WNK2: variants seen among roughly 807,000 people sequenced by gnomAD.
WNK2 encodes the protein serine/threonine-protein kinase WNK2.
In WNK2, 67 loss-of-function variants were observed where a neutral mutation model predicts 192.1. The ratio of observed to expected loss-of-function variants is 0.35; its 90% CI spans 0.29 to 0.43. The LOEUF is 0.43. Ranked by LOEUF, WNK2 falls within the 20% of genes least tolerant of loss-of-function variation. The pLI is 1.00. For missense variants in WNK2, 2,698 were observed against 3,089.7 expected (o/e 0.87, Z 3.01); for synonymous variants, 1,439 against 1,393.9 (o/e 1.03, Z -0.72).
chr9:93,256,685 T>C, intron 10 of WNK2: 1 of 665,548 alleles, frequency 1.5e-6, no homozygotes, highest in Non-Finnish European at 2.5e-6. Context: ...CGCAGTGCCC[T>C]GCACATGGAA....
chr9:93,244,521 G>C (rs975919769), intron 7 of WNK2, among the ~76,000 whole-genome samples: 1 of 152,254 alleles, frequency 6.6e-6, no homozygotes, highest in South Asian at 2.1e-4. Context: ...GATGAAGACA[G>C]TCTCAAGGGA....
rs905930575 is a variant in WNK2 at position 93,299,205 on chromosome 9, T to G, written c.6059T>G (p.Leu2020Arg). ...TQQPCSVRAS[L>R]SSDICSGLAS... ...CAGCCCTGCTCCGTCCGGGCCTCCC[T>G]GTCTTCGGACATCTGCTCCGGCTTA... is the stretch of plus-strand genomic sequence containing the variant. Residue 2020 changes from leucine (L) to arginine (R), a missense_variant, in exon 25 of 30, where the codon CTG (leucine) becomes CGG (arginine). Leu to Arg is a moderately radical substitution (Grantham distance 102, BLOSUM62 -2). Coordinates refer to ENST00000427277, the MANE Select transcript of WNK2 (RefSeq NM_006648.4). 1 of 1,597,220 alleles carries G rather than the reference T, an allele frequency of 6.3e-7. No individual in the cohort carries two copies. The highest frequency in any genetic ancestry group is 2.3e-5 in the East Asian group (1 of 44,388).
chr9:93,261,363 T>C (rs1166499563), intron 12 of WNK2, among the ~76,000 whole-genome samples: 5 of 152,224 alleles, frequency 3.3e-5, no homozygotes, highest in Admixed American at 2.6e-4. Flanking sequence ...ACGAGAACAG[T>C]GAGAAAGCCA....
chr9:93,244,873 G>A (rs1366191037), intron 7 of WNK2, among the ~76,000 whole-genome samples: 2 of 152,218 alleles, frequency 1.3e-5, no homozygotes, highest in African/African-American at 4.8e-5. Context: ...AGCCAGAAGG[G>A]AACCTGGTGC....
rs928488315 is a variant in WNK2 at position 93,263,696 on chromosome 9, C to A, written c.3541C>A (p.Gln1181Lys). Residue 1181 changes from glutamine (Q) to lysine (K), a missense_variant, in exon 15 of 30, where the codon CAG (glutamine) becomes AAG (lysine). Gln to Lys is a moderately conservative substitution (Grantham distance 53, BLOSUM62 1). This residue lies in a region of WNK2 where 893 missense variants were observed against 909.0 expected (regional missense o/e 0.98). Transcript: ENST00000427277. ...CAGGTCCACGCGTGCGCGCTCCCGG[C>A]AGGAGAGGGCCAGCCGGCCCCGGCT... ...HRRSTRARSR[Q>K]ERASRPRLTI... 6.4e-7 allele frequency: 1 copy of A among 1,550,942 alleles called. No homozygotes were observed. The highest frequency in any genetic ancestry group is 8.7e-7 in the Non-Finnish European group (1 of 1,154,760).
chr9:93,252,744 TA>T, intron 8 of WNK2, 138 bp from the exon 9 acceptor site: 1 of 795,552 alleles, frequency 1.3e-6, no homozygotes, highest in Non-Finnish European at 1.8e-6. Context: ...GCCAATTGTT[TA>T]AACAATATGT....
chr9:93,272,670 G>A (rs1408651866), intron 19 of WNK2, among the ~76,000 whole-genome samples: 10 of 137,852 alleles, frequency 7.3e-5, no homozygotes, highest in East Asian at 2.2e-4. Context: ...CCCGAGAGGC[G>A]GCAGTTGCAG....
intron 23 of WNK2, among the ~76,000 whole-genome samples, chr9:93,295,595 A>G (rs1850125369): frequency 6.6e-6 from 1 of 151,970 alleles, no homozygotes; most frequent in South Asian, 2.1e-4. Flanking sequence ...GCAAGGGGTT[A>G]CAGGCCTCCA....
chr9:93,204,398 C>T (rs1296225932), intron 2 of WNK2, among the ~76,000 whole-genome samples: 1 of 152,162 alleles, frequency 6.6e-6, no homozygotes, highest in Non-Finnish European at 1.5e-5. Flanking sequence ...GGCCCAAGCA[C>T]CTGCAGGTAG....
At chr9:93,223,859 G>A (rs1360675117) in intron 2 of WNK2, among the ~76,000 whole-genome samples, 1 of 152,232 alleles carries the variant, frequency 6.6e-6, no homozygotes, top group Non-Finnish European at 1.5e-5. Context: ...AACAGAAGGG[G>A]ACACATATAT....
intron 2 of WNK2, among the ~76,000 whole-genome samples, chr9:93,211,963 C>G (rs1834872350): frequency 6.6e-6 from 1 of 152,132 alleles, no homozygotes; most frequent in Non-Finnish European, 1.5e-5. Context: ...CTCATACATT[C>G]ACTCACTCAC....
Position 93,289,260 on chromosome 9 carries a change from C to T in WNK2, c.4506C>T (p.Ala1502=), listed in dbSNP as rs771680226. The T allele has an allele frequency of 1.9e-5, 31 of 1,602,400 alleles. No homozygotes were observed. In the Admixed American group the frequency reaches 4.2e-4, roughly 22 times the overall value. The change falls in exon 20 of 30, where the codon GCC becomes GCT. Residue 1502 remains alanine (A), a synonymous_variant. Coordinates refer to ENST00000427277, the MANE Select transcript of WNK2 (RefSeq NM_006648.4). ...GTCAACCTGCTCCCCTGCTTCCTGC[C>T]GCAGTGGGGGCCGTCAGCCTGGCCA... The part of the protein sequence containing the change: ...ALGQPAPLLP[A]AVGAVSLATS...
chr9:93,314,698 C>T (rs1451088489), intron 28 of WNK2, among the ~76,000 whole-genome samples: 1 of 152,020 alleles, frequency 6.6e-6, no homozygotes, highest in Non-Finnish European at 1.5e-5. Flanking sequence ...TATTAATTGA[C>T]AAAAAATGGG....
At chr9:93,207,244 C>G (rs1187688426) in intron 2 of WNK2, among the ~76,000 whole-genome samples, 1 of 152,218 alleles carries the variant, frequency 6.6e-6, no homozygotes, top group Non-Finnish European at 1.5e-5. Flanking sequence ...AGTTAGTTAT[C>G]AGGATCTCCC....
At chr9:93,290,167 ATCCTTT>A in intron 21 of WNK2, 120 bp downstream of exon 21, 1 of 860,222 alleles carries the variant, frequency 1.2e-6, no homozygotes. Flanking sequence ...TTTCTTAAAG[ATCCTTT>A]TATCTGTAAG....
intron 19 of WNK2, among the ~76,000 whole-genome samples, chr9:93,275,725 ACTT>A: frequency 6.6e-6 from 1 of 152,374 alleles, no homozygotes. Context: ...TACAGCAACA[ACTT>A]CTAGAACTAA....
rs760981765 is a variant in WNK2, at chr9:93,247,514, C to T, written c.1543-29C>T. ...TGGGCCGGTGAGGGCTGATCCCCAG[C>T]GATGCTGACAACATGACTGCCTTTA... On this transcript the variant is annotated intron_variant, in intron 7 of 29. Coordinates refer to ENST00000427277, the MANE Select transcript of WNK2 (RefSeq NM_006648.4). This position sits in a 1 kb window ranked among gnomAD's most constrained non-coding sequence, Gnocchi z 5.2. 95 of 1,599,356 alleles carry T rather than the reference C, an allele frequency of 5.9e-5. No homozygotes were observed. Among genetic ancestry groups the T allele is most frequent in the South Asian group, 9.1e-5 (8 of 88,234 alleles).
At chr9:93,204,602 TGGGGAA>T (rs1264834905) in intron 2 of WNK2, among the ~76,000 whole-genome samples, 7 of 151,564 alleles carry the variant, frequency 4.6e-5, no homozygotes, top group Non-Finnish European at 1.0e-4. Flanking sequence ...GGGGCAGGGG[TGGGGAA>T]GGGTGCTGAC....
intron 19 of WNK2, among the ~76,000 whole-genome samples, chr9:93,278,376 A>G (rs1195202998): frequency 2.6e-5 from 4 of 152,230 alleles, no homozygotes; most frequent in Non-Finnish European, 4.4e-5. Context: ...ATGACCCACC[A>G]CGAAGGATCA....
Sources: allele counts gnomAD v4.1 joint callset (sites outside exome capture counted in the v4.1 genomes callset), GRCh38; gene constraint gnomAD v4.1.1; regional missense constraint gnomAD v4.1.1; non-coding constraint Gnocchi (gnomAD v3.1); transcripts MANE v1.5; gene names NCBI Gene and HGNC (gene_info 2026-07-23, HGNC 2026-07-21).